The following MARK3 variants were observed in gnomAD, a reference collection of about 807,000 sequenced individuals.
MARK3 encodes MAP/microtubule affinity-regulating kinase 3.
A neutral mutation model predicts 90.1 loss-of-function variants in MARK3; 46 were observed. That is an observed-to-expected ratio of 0.51 (90% CI 0.40 to 0.65). The LOEUF is 0.65. Ranked by LOEUF, MARK3 falls within the 30% of genes least tolerant of loss-of-function variation. The pLI is 0.00. For missense variants in MARK3, 818 were observed against 947.2 expected (o/e 0.86, Z 1.79); for synonymous variants, 321 against 332.6 (o/e 0.97, Z 0.38).
At chr14:103,482,814 A>G (rs2093850680) in intron 14 of MARK3, among the ~76,000 whole-genome samples, 1 of 152,088 alleles carries the variant, frequency 6.6e-6, no homozygotes, top group Admixed American at 6.5e-5. Context: ...TCCTTTCTGC[A>G]TTCCCCCTGG....
rs185471990 is a variant in MARK3, at chr14:103,391,928, G to A, written c.51+5848G>A. On this transcript the variant is annotated intron_variant, in intron 1 of 17. Transcript: ENST00000429436. ...ATGTTCTATAGTTATATGGAGCCAC[G>A]GATACATCCTTTTTCTATACTGGCA... Among the ~76,000 whole-genome samples, 406 of 152,080 alleles carry A rather than the reference G, an allele frequency of 2.7e-3. 2 individuals are homozygous for A. The highest frequency in any genetic ancestry group is 3.8e-3 in the Non-Finnish European group (259 of 68,004).
At chr14:103,426,609 C>T (rs1796839443) in intron 2 of MARK3, among the ~76,000 whole-genome samples, 1 of 152,182 alleles carries the variant, frequency 6.6e-6, no homozygotes, top group East Asian at 1.9e-4. Flanking sequence ...AAGCCTCTCT[C>T]CACTTTTCTT....
chr14:103,438,538 C>G (rs1405268097), intron 3 of MARK3, among the ~76,000 whole-genome samples: 2 of 152,108 alleles, frequency 1.3e-5, no homozygotes, highest in African/African-American at 2.4e-5. Context: ...TGGTAGATAC[C>G]TAGTAAAATC....
intron 6 of MARK3, among the ~76,000 whole-genome samples, chr14:103,461,457 T>G (rs1047587435): frequency 6.6e-6 from 1 of 152,220 alleles, no homozygotes; most frequent in Non-Finnish European, 1.5e-5. Flanking sequence ...AAAAGCATAC[T>G]ATTTACTGAA....
chr14:103,406,671 C>T (rs544229954), intron 2 of MARK3, among the ~76,000 whole-genome samples: 4 of 146,608 alleles, frequency 2.7e-5, no homozygotes, highest in South Asian at 4.3e-4. Context: ...GGTGCAATCT[C>T]GGCTCACTGC....
chr14:103,414,122 T>A (rs980351486), intron 2 of MARK3, among the ~76,000 whole-genome samples: 2 of 152,242 alleles, frequency 1.3e-5, no homozygotes, highest in African/African-American at 4.8e-5. Flanking sequence ...AACAGTATAA[T>A]ATTCCTAGTA....
intron 15 of MARK3, among the ~76,000 whole-genome samples, chr14:103,495,606 A>G (rs1161246907): frequency 6.6e-6 from 1 of 152,192 alleles, no homozygotes; most frequent in African/African-American, 2.4e-5. Context: ...TTTATTTCAT[A>G]TATTTGAATT....
intron 6 of MARK3, among the ~76,000 whole-genome samples, chr14:103,457,515 G>C (rs186078348): frequency 2.6e-5 from 4 of 152,044 alleles, no homozygotes; most frequent in Non-Finnish European, 5.9e-5. Context: ...ATTAATTAAA[G>C]CCATTTCAGA....
At chr14:103,437,666 G>A (rs906703960) in intron 3 of MARK3, among the ~76,000 whole-genome samples, 2 of 152,196 alleles carry the variant, frequency 1.3e-5, no homozygotes, top group African/African-American at 4.8e-5. Context: ...TTTTAAGTGG[G>A]TTAAACTTAG....
chr14:103,446,507 G>A (rs1369069927), intron 3 of MARK3, among the ~76,000 whole-genome samples: 3 of 152,072 alleles, frequency 2.0e-5, no homozygotes, highest in Non-Finnish European at 4.4e-5. Context: ...GGGCATCAGA[G>A]TAAGACTCCG....
intron 3 of MARK3, among the ~76,000 whole-genome samples, chr14:103,432,634 C>G (rs992898955): frequency 6.6e-6 from 1 of 152,044 alleles, no homozygotes; most frequent in African/African-American, 2.4e-5. Flanking sequence ...GAGGATCACT[C>G]GAGCTCAGGA....
chr14:103,466,964 A>T, intron 10 of MARK3, 115 bp from the exon 11 acceptor site: 1 of 514,806 alleles, frequency 1.9e-6, no homozygotes, highest in South Asian at 2.7e-5. Flanking sequence ...AGATCGCGCC[A>T]TTGCACTCCA....
At chr14:103,451,134 T>C (rs1295525291) in intron 4 of MARK3, among the ~76,000 whole-genome samples, 2 of 151,722 alleles carry the variant, frequency 1.3e-5, no homozygotes, top group African/African-American at 2.4e-5. Flanking sequence ...AATTTTGCCA[T>C]GTTGCCGAGG....
chr14:103,496,029 C>T (rs1356944415), intron 15 of MARK3, among the ~76,000 whole-genome samples: 2 of 152,104 alleles, frequency 1.3e-5, no homozygotes, highest in Non-Finnish European at 2.9e-5. Flanking sequence ...TATTTGTAGT[C>T]GGGAGCAAAA....
At chr14:103,389,943 CAAAAAAAAAAAAAA>C (rs71126011) in intron 1 of MARK3, among the ~76,000 whole-genome samples, 1 of 29,608 alleles carries the variant, frequency 3.4e-5, no homozygotes, top group Non-Finnish European at 6.8e-5. Context: ...TACTCCGTCT[CAAAAAAAAAAAAAA>C]AAAAAAAAAG....
At position 103,403,658 on chromosome 14, in the gene MARK3, A is replaced by T. The variant is rs903022205; in HGVS notation, c.52-1418A>T. On this transcript the variant is annotated intron_variant, in intron 1 of 17. Coordinates refer to ENST00000429436, the MANE Select transcript of MARK3 (RefSeq NM_001128918.3). ...CCAGCTTCTTTTAAAACTAGACTGC[A>T]GTTGATGTAATAATTTGCATTACAA... 3.3e-5 allele frequency among the ~76,000 whole-genome samples: 5 copies of T among 152,332 alleles called. 1 individual carries two copies. The highest frequency in any genetic ancestry group is 3.4e-3 in the Middle Eastern group (1 of 294).
chr14:103,403,625 A>G (rs2091102991), intron 1 of MARK3, among the ~76,000 whole-genome samples: 2 of 152,218 alleles, frequency 1.3e-5, no homozygotes, highest in Admixed American at 6.5e-5. Flanking sequence ...AAACATAAAC[A>G]TGATCACCCA....
intron 1 of MARK3, among the ~76,000 whole-genome samples, chr14:103,399,439 G>A (rs1376594857): frequency 1.3e-5 from 2 of 152,168 alleles, no homozygotes; most frequent in African/African-American, 4.8e-5. Context: ...GTAGGGTGCG[G>A]TGGCTCACAC....
intron 17 of MARK3, 97 bp downstream of exon 17, chr14:103,500,297 T>A: frequency 1.1e-6 from 1 of 915,524 alleles, no homozygotes; most frequent in Non-Finnish European, 1.6e-6. Context: ...ACTGTATTCC[T>A]GCTGTCTCTG....
Sources: allele counts gnomAD v4.1 joint callset (sites outside exome capture counted in the v4.1 genomes callset), GRCh38; gene constraint gnomAD v4.1.1; transcripts MANE v1.5; gene names NCBI Gene and HGNC (gene_info 2026-07-23, HGNC 2026-07-21).